MRAS: variants seen among roughly 807,000 people sequenced by gnomAD.
The protein encoded by MRAS is muscle RAS oncogene homolog.
In MRAS, 4 loss-of-function variants were observed where a neutral mutation model predicts 20.9. The ratio of observed to expected loss-of-function variants is 0.19; its 90% CI spans 0.09 to 0.44. The LOEUF (loss-of-function observed/expected upper bound fraction) is 0.44, where lower values mean the gene tolerates loss of function less well. Among genes scored for constraint, MRAS ranks in the 20% least tolerant of loss-of-function variants. The pLI, the probability that MRAS is intolerant of heterozygous loss-of-function variation, is 0.99. For missense variants in MRAS, 154 were observed against 277.5 expected (o/e 0.56, Z 3.16); for synonymous variants, 98 against 102.9 (o/e 0.95, Z 0.29).
intron 2 of MRAS, among the ~76,000 whole-genome samples, chr3:138,378,626 G>A (rs890419836): frequency 6.6e-6 from 1 of 152,178 alleles, no homozygotes; most frequent in South Asian, 2.1e-4. Context: ...GCTTTCAGCT[G>A]TGTGACTGCC....
At chr3:138,388,321 C>A (rs1334181733) in intron 2 of MRAS, among the ~76,000 whole-genome samples, 19 of 152,180 alleles carry the variant, frequency 1.2e-4, no homozygotes, top group Admixed American at 8.5e-4. Flanking sequence ...TATTCTTAAG[C>A]TTCCTTACCT....
intron 5 of MRAS, among the ~76,000 whole-genome samples, chr3:138,400,979 G>A (rs1245283641): frequency 1.3e-5 from 2 of 152,190 alleles, no homozygotes; most frequent in Admixed American, 6.5e-5. Context: ...CCTCTTCCCT[G>A]CCCTGATATC....
chr3:138,374,051 C>T (rs1446268324), intron 2 of MRAS, among the ~76,000 whole-genome samples: 3 of 152,050 alleles, frequency 2.0e-5, no homozygotes, highest in Non-Finnish European at 2.9e-5. Context: ...CTCCGCCTCT[C>T]GGGTTCAAGC....
chr3:138,374,075 C>G (rs2054731964), intron 2 of MRAS, among the ~76,000 whole-genome samples: 1 of 152,076 alleles, frequency 6.6e-6, no homozygotes, highest in Admixed American at 6.6e-5. Flanking sequence ...TCTCTTGCCT[C>G]AGCCTCCCAA....
At chr3:138,372,738 T>C (rs920690353) in intron 1 of MRAS, 128 bp from the exon 2 acceptor site, 11 of 661,504 alleles carry the variant, frequency 1.7e-5, no homozygotes, top group Non-Finnish European at 2.5e-5. Context: ...TTATTTTCTT[T>C]TGCATTTCTT....
chr3:138,401,103 A>C (rs560474772), intron 5 of MRAS, among the ~76,000 whole-genome samples: 15 of 152,322 alleles, frequency 9.8e-5, no homozygotes, highest in African/African-American at 3.6e-4. Flanking sequence ...TCAATCTCCA[A>C]GTATTGTCAG....
At chr3:138,361,695 A>C (rs1219385964) in intron 1 of MRAS, among the ~76,000 whole-genome samples, 1 of 152,172 alleles carries the variant, frequency 6.6e-6, no homozygotes, top group Non-Finnish European at 1.5e-5. Context: ...GGAGGACAGC[A>C]GCCTGCCAGG....
At chr3:138,358,674 G>A (rs754152318) in intron 1 of MRAS, among the ~76,000 whole-genome samples, 3 of 152,266 alleles carry the variant, frequency 2.0e-5, no homozygotes, top group Non-Finnish European at 2.9e-5. Context: ...CCACATGGAG[G>A]TGACGGTCTA....
intron 2 of MRAS, among the ~76,000 whole-genome samples, chr3:138,397,031 C>T (rs1213165751): frequency 6.6e-6 from 1 of 152,126 alleles, no homozygotes; most frequent in African/African-American, 2.4e-5. Context: ...TCATGAGGCG[C>T]GTCTGTAGAT....
At chr3:138,392,713 C>T (rs1366048384) in intron 2 of MRAS, among the ~76,000 whole-genome samples, 2 of 152,036 alleles carry the variant, frequency 1.3e-5, no homozygotes, top group Admixed American at 1.3e-4. Context: ...TTCCATTTTT[C>T]ATCCTCTCTG....
intron 2 of MRAS, among the ~76,000 whole-genome samples, chr3:138,388,209 C>A (rs567362479): frequency 3.3e-5 from 5 of 152,186 alleles, no homozygotes; most frequent in Non-Finnish European, 7.3e-5. Flanking sequence ...CCCAACCCCA[C>A]TCCATAGACA....
chr3:138,391,212 A>C (rs2055126206), intron 2 of MRAS, among the ~76,000 whole-genome samples: 1 of 152,040 alleles, frequency 6.6e-6, no homozygotes, highest in Non-Finnish European at 1.5e-5. Context: ...TGTTTAGTTA[A>C]TTTTCAGTTT....
At chr3:138,383,631 C>G (rs1560178389) in intron 2 of MRAS, among the ~76,000 whole-genome samples, 1 of 152,280 alleles carries the variant, frequency 6.6e-6, no homozygotes, top group South Asian at 2.1e-4. Flanking sequence ...AGGGATATAC[C>G]TCTCCGCCCA....
chr3:138,360,992 G>A (rs554039378), intron 1 of MRAS, among the ~76,000 whole-genome samples: 4 of 152,328 alleles, frequency 2.6e-5, no homozygotes, highest in Non-Finnish European at 5.9e-5. Flanking sequence ...TGACCTTCAC[G>A]GTTCCTGAAG....
chr3:138,380,625 C>T (rs1377684257), intron 2 of MRAS, among the ~76,000 whole-genome samples: 3 of 147,764 alleles, frequency 2.0e-5, no homozygotes, highest in African/African-American at 7.9e-5. Flanking sequence ...CTTTCTGTCT[C>T]TATGTATTTA....
rs1053419617 is a variant in MRAS at position 138,397,443 on chromosome 3, C to T, written c.313C>T (p.Arg105Cys). ...CAAGGCCAGCTTTGAGCACGTGGACCGCTTCCACCAGCTTATCCTGCGCGT... is the reference window on the plus strand; with the variant it reads ...CAAGGCCAGCTTTGAGCACGTGGACTGCTTCCACCAGCTTATCCTGCGCGT... ...TDKASFEHVD[R>C]FHQLILRVKD... Residue 105 changes from arginine (R) to cysteine (C), a missense_variant, in exon 3 of 6, where the codon CGC becomes TGC. Physicochemically the swap from Arg to Cys is radical, Grantham distance 180 (BLOSUM62 -3). Around this residue, in one of 3 missense-constraint regions of MRAS, gnomAD observed 125 missense variants for 213.5 expected, o/e 0.59. Coordinates refer to ENST00000423968, the MANE Select transcript of MRAS (RefSeq NM_001085049.3). 21 of 1,614,010 alleles carry T rather than the reference C, an allele frequency of 1.3e-5. No homozygotes were observed. Among genetic ancestry groups the T allele is most frequent in the Admixed American group, 1.7e-5 (1 of 59,994 alleles).
intron 1 of MRAS, among the ~76,000 whole-genome samples, chr3:138,355,766 A>G (rs1239162332): frequency 2.0e-5 from 3 of 152,184 alleles, no homozygotes; most frequent in Non-Finnish European, 2.9e-5. Context: ...CTCCGTCTCT[A>G]CTAAAAATAT....
At chr3:138,386,810 C>T (rs1249691987) in intron 2 of MRAS, among the ~76,000 whole-genome samples, 2 of 152,142 alleles carry the variant, frequency 1.3e-5, no homozygotes, top group Non-Finnish European at 2.9e-5. Flanking sequence ...TATTCTTTCA[C>T]CAGTCAATGG....
intron 1 of MRAS, among the ~76,000 whole-genome samples, chr3:138,364,741 C>G (rs570467381): frequency 6.6e-5 from 10 of 152,338 alleles, no homozygotes; most frequent in African/African-American, 2.4e-4. Flanking sequence ...CAGATCTATG[C>G]CCTGGTCAGC....
Sources: gnomAD v4.1 joint callset for allele counts (sites outside exome capture counted in the v4.1 genomes callset) on GRCh38, gnomAD v4.1.1 for gene constraint, gnomAD v4.1.1 regional missense constraint, MANE v1.5 for transcripts, NCBI Gene and HGNC (gene_info 2026-07-23, HGNC 2026-07-21) for gene names.